The following NLRP9 variants were observed in gnomAD, a reference collection of about 807,000 sequenced individuals.
The protein encoded by NLRP9 is NACHT, LRR and PYD domains-containing protein 9.
NLRP9 carries 88 observed loss-of-function variants against 83.1 expected under a neutral mutation model. That is an observed-to-expected ratio of 1.06 (90% CI 0.89 to 1.26). The LOEUF is 1.26. Among genes scored for constraint, NLRP9 ranks in the 50% most tolerant of loss-of-function variants. The pLI is 0.00. For missense variants in NLRP9, 1,308 were observed against 1,179.3 expected (o/e 1.11, Z -1.60); for synonymous variants, 521 against 447.6 (o/e 1.16, Z -2.07).
Position 55,716,625 on chromosome 19 carries a change from A to C in NLRP9, c.2330+103T>G. The C allele has an allele frequency of 4.3e-6, 4 of 929,964 alleles. No individual in the cohort carries two copies. In the East Asian group the frequency reaches 9.7e-5, roughly 23 times the overall value. 57.6% of individuals were successfully genotyped at this position (929,964 alleles called of 1,614,324 possible). The stretch of plus-strand genomic sequence containing the variant: ...ACTCAGGTCTAGCTACGGATTCCGC[A>C]TTCTGCTGCACCCCTCAGTGAGCAC... On this transcript the variant is annotated intron_variant, in intron 5 of 8. Coordinates refer to ENST00000332836, the MANE Select transcript of NLRP9 (RefSeq NM_176820.4).
chr19:55,735,216 C>G (rs546862402), intron 1 of NLRP9, among the ~76,000 whole-genome samples: 1 of 152,270 alleles, frequency 6.6e-6, no homozygotes, highest in East Asian at 1.9e-4. Context: ...CCTTTAACAC[C>G]GTCGCACAGG....
chr19:55,717,501 C>T (rs565342448), intron 4 of NLRP9, among the ~76,000 whole-genome samples: 3 of 152,282 alleles, frequency 2.0e-5, no homozygotes, highest in African/African-American at 4.8e-5. Context: ...TTGGCTGTCA[C>T]GATGGAGGCA....
chr19:55,717,644 T>C (rs1425650441), intron 4 of NLRP9, among the ~76,000 whole-genome samples: 2 of 152,196 alleles, frequency 1.3e-5, no homozygotes, highest in African/African-American at 2.4e-5. Flanking sequence ...GTGTTTTTTT[T>C]CCTACTTTCA....
chr19:55,729,809 G>C, intron 3 of NLRP9, 22 bp downstream of exon 3: 1 of 1,594,376 alleles, frequency 6.3e-7, no homozygotes, highest in Non-Finnish European at 8.5e-7. Flanking sequence ...TTGCTTAAAG[G>C]ACAGGTTAAC....
At chr19:55,725,193 A>C (rs554041653) in intron 3 of NLRP9, among the ~76,000 whole-genome samples, 7 of 152,354 alleles carry the variant, frequency 4.6e-5, no homozygotes, top group African/African-American at 1.4e-4. Flanking sequence ...ATATGTGTCT[A>C]TAAGCCAGAT....
intron 4 of NLRP9, 71 bp downstream of exon 4, chr19:55,723,909 A>T (rs1423960863): frequency 1.6e-6 from 2 of 1,281,592 alleles, no homozygotes; most frequent in East Asian, 4.7e-5. Flanking sequence ...CCAGGAAGGA[A>T]AACAAGAAAA....
chr19:55,738,159 T>C lies in NLRP9; in HGVS notation c.216A>G (p.Thr72=), dbSNP rs1194174209. 5.6e-6 allele frequency: 9 copies of C among 1,614,056 alleles called. No individual in the cohort carries two copies. The highest frequency in any genetic ancestry group is 3.3e-4 in the Middle Eastern group (2 of 6,084). The change falls in exon 1 of 9, where the codon ACA becomes ACG. Residue 72 remains threonine, a synonymous_variant. Transcript: ENST00000332836. ...HYPGKQAWEV[T]LNLFLQINRK... is the part of the protein sequence containing the mutation. ...TATTGATCTGTAGAAACAGGTTCAG[T>C]GTTACCTCCCATGCCTGCTTTCCTG...
At chr19:55,726,386 C>T (rs1042675358) in intron 3 of NLRP9, among the ~76,000 whole-genome samples, 1 of 152,132 alleles carries the variant, frequency 6.6e-6, no homozygotes, top group Non-Finnish European at 1.5e-5. Context: ...TTTTTCTACA[C>T]ATAAAATGAT....
At chr19:55,729,748 C>T (rs1988515023) in intron 3 of NLRP9, 83 bp downstream of exon 3, 2 of 1,104,284 alleles carry the variant, frequency 1.8e-6, no homozygotes, top group South Asian at 1.5e-5. Context: ...TGCATTTATG[C>T]ATGGGTCTTC....
At chr19:55,717,690 G>A (rs1464947892) in intron 4 of NLRP9, among the ~76,000 whole-genome samples, 5 of 152,164 alleles carry the variant, frequency 3.3e-5, no homozygotes, top group African/African-American at 4.8e-5. Context: ...GGCCGGAGAC[G>A]GGAGGGCAGC....
At position 55,732,443 on chromosome 19, in the gene NLRP9, T is replaced by C. The variant is rs1341784816; in HGVS notation, c.1388A>G (p.Lys463Arg). 2 of 1,614,098 alleles carry C rather than the reference T, an allele frequency of 1.2e-6. No homozygotes were observed. The highest frequency in any genetic ancestry group is 1.1e-5 in the South Asian group (1 of 91,086). ...AAMFYLLKRP[K>R]DDPNPAIGSI... ...TCCAATGGCCGGGTTAGGATCGTCTTTGGGTCGTTTGAGCAAATAAAACAT... is the reference window on the plus strand; with the variant it reads ...TCCAATGGCCGGGTTAGGATCGTCTCTGGGTCGTTTGAGCAAATAAAACAT... Residue 463 changes from lysine (K) to arginine (R), a missense_variant, in exon 2 of 9, where the codon AAA becomes AGA. Physicochemically the swap from Lys to Arg is conservative, Grantham distance 26. Coordinates refer to ENST00000332836, the MANE Select transcript of NLRP9 (RefSeq NM_176820.4).
At chr19:55,723,859 G>C in intron 4 of NLRP9, 121 bp downstream of exon 4, 3 of 732,386 alleles carry the variant, frequency 4.1e-6, no homozygotes, top group Non-Finnish European at 6.7e-6. Context: ...AGATTCAAAA[G>C]ATGAAAAACA....
chr19:55,712,629 A>ATTGACCTCATAAGT, intron 6 of NLRP9, 39 bp from the exon 7 acceptor site: 1 of 1,576,030 alleles, frequency 6.3e-7, no homozygotes, highest in Non-Finnish European at 8.7e-7. Context: ...TACACTTATG[A>ATTGACCTCATAAGT]GGTCAATCAT....
chr19:55,711,017 CAG>C (rs1359661360), intron 8 of NLRP9, among the ~76,000 whole-genome samples: 5 of 150,530 alleles, frequency 3.3e-5, no homozygotes, highest in Admixed American at 6.6e-5. Context: ...GCCCGGGAGG[CAG>C]GGGTTGAAGT....
In NLRP9 at chr19:55,732,306, T is replaced by A. The variant is rs1404246574; in HGVS notation, c.1525A>T (p.Thr509Ser). Reference sequence around the variant, plus strand: ...TTTGACAGTGGAAAACCAAAGGAGGTCTCCAGCATGCTGACGATTTCTTCT... The same window carrying A: ...TTTGACAGTGGAAAACCAAAGGAGGACTCCAGCATGCTGACGATTTCTTCT... ...STEEIVSMLETSFGFPLSKDL... is the reference protein window; with the variant it reads ...STEEIVSMLESSFGFPLSKDL... Residue 509 changes from threonine to serine, a missense_variant, in exon 2 of 9, where the codon ACC (threonine) becomes TCC (serine). Physicochemically the swap from Thr to Ser is moderately conservative, Grantham distance 58. Coordinates refer to ENST00000332836, the MANE Select transcript of NLRP9 (RefSeq NM_176820.4). 1.2e-6 allele frequency: 2 copies of A among 1,614,018 alleles called. No homozygotes were observed. Among genetic ancestry groups the A allele is most frequent in the Non-Finnish European group, 8.5e-7 (1 of 1,179,994 alleles).
At chr19:55,733,657 G>A in intron 1 of NLRP9, 107 bp from the exon 2 acceptor site, 1 of 698,112 alleles carries the variant, frequency 1.4e-6, no homozygotes, top group Non-Finnish European at 2.4e-6. Context: ...CCAGCCATCT[G>A]AAGCCAGGGT....
In NLRP9 at chr19:55,732,153, T is replaced by A. The variant is rs1182929661; in HGVS notation, c.1678A>T (p.Lys560Ter). The A allele has an allele frequency of 6.2e-7, 1 of 1,613,250 alleles. No homozygotes were observed. The highest frequency in any genetic ancestry group is 2.2e-5 in the East Asian group (1 of 44,888). ...FETQEKEFVT[K>*]VMNFFEEVFI... ...ACTTCTTCAAAGAAATTCATCACTTTGGTTACAAATTCTTTTTCCTGAGTT... is the reference window on the plus strand; with the variant it reads ...ACTTCTTCAAAGAAATTCATCACTTAGGTTACAAATTCTTTTTCCTGAGTT... The change falls in exon 2 of 9, where the codon AAA (lysine) becomes TAA (stop). Residue 560 changes from lysine (K) to a stop codon, truncating the protein, a stop_gained. Transcript: ENST00000332836. LOFTEE classifies it high-confidence loss of function.
chr19:55,716,932 A>G (rs1988041600), intron 4 of NLRP9, 34 bp from the exon 5 acceptor site: 2 of 1,588,438 alleles, frequency 1.3e-6, no homozygotes, highest in South Asian at 1.1e-5. Flanking sequence ...AGACGGACCA[A>G]AGCTTTCAAT....
rs1988301942 is a variant in NLRP9, at chr19:55,723,686, T to TCATTG, written c.2159+289_2159+293dup. Among the ~76,000 whole-genome samples, 3 of 141,744 alleles carry TCATTG rather than the reference T, an allele frequency of 2.1e-5. No homozygotes were observed. In the South Asian group the frequency reaches 6.6e-4, roughly 31 times the overall value. The allele number at this position is 141,744 out of a possible 152,430, so 93.0% of individuals were successfully genotyped here. ...GAGGTTGCAGTGAGTCAAGATTGCG[T>TCATTG]CATTGCACTCCAGCCTGGGCAACAG... is the stretch of plus-strand genomic sequence containing the variant. On this transcript the variant is annotated intron_variant, in intron 4 of 8. Coordinates refer to ENST00000332836, the MANE Select transcript of NLRP9 (RefSeq NM_176820.4).
Sources: allele counts gnomAD v4.1 joint callset (sites outside exome capture counted in the v4.1 genomes callset), GRCh38; gene constraint gnomAD v4.1.1; transcripts MANE v1.5; gene names NCBI Gene and HGNC (gene_info 2026-07-23, HGNC 2026-07-21).